MYH15: variants seen among roughly 807,000 people sequenced by gnomAD.
MYH15 encodes the protein myosin heavy chain 15.
In MYH15, 227 loss-of-function variants were observed where a neutral mutation model predicts 240.5. The ratio of observed to expected loss-of-function variants is 0.94; its 90% CI spans 0.85 to 1.05. The LOEUF (loss-of-function observed/expected upper bound fraction) is 1.05, where lower values mean the gene tolerates loss of function less well. Among genes scored for constraint, MYH15 ranks in the 50% least tolerant of loss-of-function variants. MYH15 has a pLI of 0.00. For missense variants in MYH15, 2,217 were observed against 2,247.5 expected (o/e 0.99, Z 0.27); for synonymous variants, 785 against 796.7 (o/e 0.99, Z 0.25).
intron 27 of MYH15, among the ~76,000 whole-genome samples, chr3:108,426,610 C>T (rs1383087588): frequency 6.6e-6 from 1 of 152,230 alleles, no homozygotes. Flanking sequence ...ACCTAGATTT[C>T]AAAGGATATT....
intron 27 of MYH15, among the ~76,000 whole-genome samples, chr3:108,423,796 C>T (rs2082705328): frequency 6.6e-6 from 1 of 152,226 alleles, no homozygotes; most frequent in Admixed American, 6.5e-5. Flanking sequence ...CAGATGCACA[C>T]ACACACAGAA....
intron 18 of MYH15, 55 bp from the exon 19 acceptor site, chr3:108,456,938 C>T: frequency 7.5e-7 from 1 of 1,328,836 alleles, no homozygotes. Flanking sequence ...ATTATTGGGA[C>T]AGATTTTGAA....
At chr3:108,474,360 G>A (rs2083201845) in intron 12 of MYH15, among the ~76,000 whole-genome samples, 1 of 151,646 alleles carries the variant, frequency 6.6e-6, no homozygotes, top group African/African-American at 2.4e-5. Flanking sequence ...TATAGTAAAG[G>A]CTGGAGTCCT....
intron 11 of MYH15, among the ~76,000 whole-genome samples, chr3:108,484,283 C>A (rs532733991): frequency 2.6e-4 from 40 of 151,958 alleles, no homozygotes; most frequent in Non-Finnish European, 5.4e-4. Context: ...TTGTAAGATG[C>A]CTCAAATATT....
upstream of MYH15, among the ~76,000 whole-genome samples, chr3:108,511,967 T>G (rs1457194096): frequency 1.3e-5 from 2 of 152,184 alleles, no homozygotes; most frequent in East Asian, 3.8e-4. Context: ...CAAATAGGCA[T>G]GTGACTTGTG....
the MYH15 span, among the ~76,000 whole-genome samples, chr3:108,545,265 CT>C: frequency 6.6e-6 from 1 of 152,110 alleles, no homozygotes. Context: ...GATTTAACCC[CT>C]AATCTCTCCA....
At chr3:108,490,199 T>A (rs999284143) in intron 9 of MYH15, among the ~76,000 whole-genome samples, 1 of 152,352 alleles carries the variant, frequency 6.6e-6, no homozygotes, top group East Asian at 1.9e-4. Flanking sequence ...GGAGAATACG[T>A]GCTGCTTACA....
intron 5 of MYH15, 121 bp from the exon 6 acceptor site, chr3:108,498,266 T>C: frequency 1.2e-6 from 1 of 809,648 alleles, no homozygotes; most frequent in Non-Finnish European, 2.1e-6. Flanking sequence ...AAGTAGAGCT[T>C]CAGATGGAAC....
chr3:108,459,553 A>G, intron 17 of MYH15, 104 bp from the exon 18 acceptor site: 1 of 622,394 alleles, frequency 1.6e-6, no homozygotes, highest in Non-Finnish European at 2.8e-6. Flanking sequence ...TCTCACAGCC[A>G]AGATGTATTC....
At chr3:108,471,644 CCT>C (rs1365218213) in intron 12 of MYH15, among the ~76,000 whole-genome samples, 1 of 152,110 alleles carries the variant, frequency 6.6e-6, no homozygotes. Flanking sequence ...CCTCCTACCC[CCT>C]GTTAGTAATT....
intron 25 of MYH15, among the ~76,000 whole-genome samples, chr3:108,435,082 T>C (rs1359277662): frequency 1.3e-5 from 2 of 152,248 alleles, no homozygotes; most frequent in South Asian, 4.1e-4. Context: ...GAGTTATAGA[T>C]TTTCCTTGGA....
rs759961955 is a variant in MYH15, at chr3:108,492,549, C to T, written c.822G>A (p.Arg274=). 1.7e-5 allele frequency: 27 copies of T among 1,613,688 alleles called. No homozygotes were observed. Among genetic ancestry groups the T allele is most frequent in the Non-Finnish European group, 2.2e-5 (26 of 1,179,718 alleles). ...GAATTTGATAGAATATGTGGTAGTT[C>T]CTCTCTCCAGCCTGCTGGAAAATCA... ...SRVIFQQAGE[R]NYHIFYQILS... The change falls in exon 9 of 41, where the codon AGG becomes AGA. Residue 274 remains arginine (R), a synonymous_variant. Coordinates refer to ENST00000693548, the MANE Select transcript of MYH15 (RefSeq NM_014981.3).
chr3:108,422,421 T>C (rs560234883), intron 27 of MYH15, among the ~76,000 whole-genome samples: 1 of 152,282 alleles, frequency 6.6e-6, no homozygotes, highest in Non-Finnish European at 1.5e-5. Context: ...TTTCACCATT[T>C]TGGTCAGGCT....
chr3:108,529,241 C>A, intron 1 of MYH15: 1 of 1,598,166 alleles, frequency 6.3e-7, no homozygotes, highest in Non-Finnish European at 8.6e-7. Context: ...CAAATTAAAA[C>A]ATATGTTGGG....
intron 21 of MYH15, among the ~76,000 whole-genome samples, chr3:108,446,407 C>G (rs2082928815): frequency 6.6e-6 from 1 of 152,190 alleles, no homozygotes; most frequent in Non-Finnish European, 1.5e-5. Flanking sequence ...GTGGACAATG[C>G]CAGCTGGGCT....
At chr3:108,416,773 C>T (rs1384160227) in intron 29 of MYH15, 39 bp downstream of exon 29, 2 of 1,471,370 alleles carry the variant, frequency 1.4e-6, no homozygotes, top group Non-Finnish European at 1.9e-6. Context: ...AAAAAAAACA[C>T]ACAGTCAAGA....
rs761535712 is a variant in MYH15 at position 108,441,065 on chromosome 3, T to C, written c.2851A>G (p.Thr951Ala). 1 of 1,614,174 alleles carries C rather than the reference T, an allele frequency of 6.2e-7. No homozygotes were observed. Among genetic ancestry groups the C allele is most frequent in the Non-Finnish European group, 8.5e-7 (1 of 1,179,992 alleles). Reference protein sequence around the residue: ...ELKKEIDDLETMLVKSEKEKR... With the variant: ...ELKKEIDDLEAMLVKSEKEKR... ...TCCTTCTCTGACTTCACCAACATTG[T>C]TTCCAGGTCATCGATTTCTTTCTTC... is the stretch of plus-strand genomic sequence containing the variant. Residue 951 changes from threonine to alanine, a missense_variant, in exon 23 of 41, where the codon ACA becomes GCA. Coordinates refer to ENST00000693548, the MANE Select transcript of MYH15 (RefSeq NM_014981.3).
At position 108,380,940 on chromosome 3, in the gene MYH15, G is replaced by T. The variant is rs570105801; in HGVS notation, c.*605C>A. ...ACCTGTCACTGAATGTCTCGTGTGG[G>T]GTTACCTCCATGTTTAAAGCATGTA... On this transcript the variant is annotated 3_prime_UTR_variant, in exon 41 of 41. Transcript: ENST00000693548. 1 of 152,506 alleles carries T rather than the reference G, an allele frequency of 6.6e-6. No homozygotes were observed. The highest frequency in any genetic ancestry group is 6.5e-5 in the Admixed American group (1 of 15,324). 9.4% of individuals were successfully genotyped at this position (152,506 alleles called of 1,614,324 possible). A position where few individuals can be genotyped will look rare whatever the true frequency, so the allele number is the denominator to read the frequency against.
intron 33 of MYH15, among the ~76,000 whole-genome samples, chr3:108,402,769 A>G (rs2082515759): frequency 6.6e-6 from 1 of 152,240 alleles, no homozygotes; most frequent in African/African-American, 2.4e-5. Context: ...TCCTCCAATC[A>G]GAGAATTCCC....
Sources: gnomAD v4.1 joint callset for allele counts (sites outside exome capture counted in the v4.1 genomes callset) on GRCh38, gnomAD v4.1.1 for gene constraint, MANE v1.5 for transcripts, NCBI Gene and HGNC (gene_info 2026-07-23, HGNC 2026-07-21) for gene names.